The following CHSY3 variants were observed in gnomAD, a reference collection of about 807,000 sequenced individuals.
The protein encoded by CHSY3 is chondroitin sulfate synthase 3.
A neutral mutation model predicts 67.2 loss-of-function variants in CHSY3; 35 were observed. The observed-to-expected ratio is 0.52, with a 90% CI of 0.40 to 0.69. CHSY3 has a LOEUF of 0.69. CHSY3 is among the 30% of genes least tolerant of loss of function. The pLI, the probability that CHSY3 is intolerant of heterozygous loss-of-function variation, is 0.00. For missense variants in CHSY3, 1,069 were observed against 1,138.5 expected (o/e 0.94, Z 0.88); for synonymous variants, 474 against 434.7 (o/e 1.09, Z -1.12).
At position 130,013,431 on chromosome 5, in the gene CHSY3, C is replaced by T. The variant is rs188944803; in HGVS notation, c.1086+105071C>T. ...AGAGATTCTCCATGAGGGCTCTGCC[C>T]GTGCAGCAAGCTTCTGCCTGGATAT... On this transcript the variant is annotated intron_variant, in intron 2 of 2. Coordinates refer to ENST00000305031, the MANE Select transcript of CHSY3 (RefSeq NM_175856.5). Among the ~76,000 whole-genome samples, 8 of 152,302 alleles carry T rather than the reference C, an allele frequency of 5.3e-5. No individual in the cohort carries two copies. The East Asian group carries it at 1.2e-3, about 22-fold the overall frequency.
At chr5:130,100,437 C>T (rs890843401) in intron 2 of CHSY3, among the ~76,000 whole-genome samples, 14 of 151,578 alleles carry the variant, frequency 9.2e-5, no homozygotes, top group Admixed American at 2.6e-4. Flanking sequence ...CCTTGTGATC[C>T]GCCCGCCTCG....
At chr5:130,103,960 C>T (rs1767335161) in intron 2 of CHSY3, among the ~76,000 whole-genome samples, 1 of 151,954 alleles carries the variant, frequency 6.6e-6, no homozygotes, top group South Asian at 2.1e-4. Context: ...ATCTCAAAAA[C>T]AGTCCCTTGT....
intron 2 of CHSY3, chr5:130,141,103 G>A: frequency 3.6e-6 from 1 of 278,730 alleles, no homozygotes; most frequent in Non-Finnish European, 6.8e-6. Context: ...TGAGCTGAAT[G>A]AGTATCAAGC....
intron 2 of CHSY3, among the ~76,000 whole-genome samples, chr5:130,112,266 GA>G (rs1432039145): frequency 1.3e-5 from 2 of 152,078 alleles, no homozygotes; most frequent in Non-Finnish European, 2.9e-5. Flanking sequence ...TATTTTCCCG[GA>G]ATTTGTCTAA....
chr5:130,143,800 A>ATGTG (rs1561557276), intron 2 of CHSY3, among the ~76,000 whole-genome samples: 25 of 79,380 alleles, frequency 3.1e-4, no homozygotes, highest in Admixed American at 9.7e-4. Flanking sequence ...ATATATATAT[A>ATGTG]TATATGTGTG....
chr5:130,119,451 C>T (rs17515040), intron 2 of CHSY3, among the ~76,000 whole-genome samples: 8,825 of 152,130 alleles, frequency 0.058, 381 homozygotes, highest in Non-Finnish European at 0.085. Context: ...ATTCATTACG[C>T]GTGTATTTAG....
chr5:129,947,715 T>C (rs1044888759), intron 2 of CHSY3, among the ~76,000 whole-genome samples: 1 of 152,174 alleles, frequency 6.6e-6, no homozygotes, highest in African/African-American at 2.4e-5. Flanking sequence ...ATATTGGCTG[T>C]ACCAATTTAC....
At chr5:130,085,197 G>C (rs192154376) in intron 2 of CHSY3, among the ~76,000 whole-genome samples, 6 of 151,968 alleles carry the variant, frequency 3.9e-5, no homozygotes, top group African/African-American at 1.4e-4. Context: ...ACACTGCATT[G>C]TACCCCATAA....
chr5:129,916,260 C>T (rs529645268), intron 2 of CHSY3, among the ~76,000 whole-genome samples: 6 of 152,142 alleles, frequency 3.9e-5, no homozygotes, highest in Admixed American at 2.0e-4. Flanking sequence ...TGTTGATTAA[C>T]GGCAGATCTA....
chr5:130,181,200 T>G (rs889336504), intron 2 of CHSY3, among the ~76,000 whole-genome samples: 1 of 152,162 alleles, frequency 6.6e-6, no homozygotes, highest in Non-Finnish European at 1.5e-5. Flanking sequence ...GGAGGTTCCA[T>G]GAAATCCACT....
At chr5:130,064,761 A>G (rs1765829381) in intron 2 of CHSY3, among the ~76,000 whole-genome samples, 1 of 152,162 alleles carries the variant, frequency 6.6e-6, no homozygotes, top group African/African-American at 2.4e-5. Context: ...AGTTAAGTCC[A>G]AACAAAGTCA....
At chr5:129,952,147 G>T (rs1049070267) in intron 2 of CHSY3, among the ~76,000 whole-genome samples, 16 of 152,160 alleles carry the variant, frequency 1.1e-4, no homozygotes, top group African/African-American at 3.9e-4. Flanking sequence ...GACTGATGTT[G>T]GAGGAAGAGT....
At chr5:130,180,693 G>C (rs1022718833) in intron 2 of CHSY3, among the ~76,000 whole-genome samples, 2 of 151,668 alleles carry the variant, frequency 1.3e-5, no homozygotes, top group Non-Finnish European at 2.9e-5. Context: ...CTCTACAAAA[G>C]AAATTGAAAA....
chr5:129,956,329 T>C (rs1490463781), intron 2 of CHSY3, among the ~76,000 whole-genome samples: 1 of 152,198 alleles, frequency 6.6e-6, no homozygotes, highest in Non-Finnish European at 1.5e-5. Flanking sequence ...TTTTTTCATA[T>C]GCTTGTTGGT....
intron 2 of CHSY3, among the ~76,000 whole-genome samples, chr5:129,947,209 C>A (rs966046824): frequency 2.6e-5 from 4 of 152,102 alleles, no homozygotes; most frequent in African/African-American, 9.7e-5. Flanking sequence ...ATTATAAAGC[C>A]ATCAGATCTC....
chr5:130,097,483 G>A (rs1469081564), intron 2 of CHSY3, among the ~76,000 whole-genome samples: 1 of 152,162 alleles, frequency 6.6e-6, no homozygotes, highest in African/African-American at 2.4e-5. Flanking sequence ...CTACCTGTGA[G>A]AATGACTTAA....
At chr5:129,985,145 A>G (rs1269146909) in intron 2 of CHSY3, among the ~76,000 whole-genome samples, 1 of 152,088 alleles carries the variant, frequency 6.6e-6, no homozygotes, top group Non-Finnish European at 1.5e-5. Flanking sequence ...TAGAGTTTTT[A>G]TAGTTTTAGG....
intron 2 of CHSY3, among the ~76,000 whole-genome samples, chr5:129,997,944 A>G (rs200596073): frequency 6.6e-6 from 1 of 152,104 alleles, no homozygotes; most frequent in African/African-American, 2.4e-5. Context: ...AGTCTTTGCT[A>G]TTGTGAATAG....
intron 2 of CHSY3, among the ~76,000 whole-genome samples, chr5:129,971,375 C>G (rs547290116): frequency 6.6e-6 from 1 of 151,640 alleles, no homozygotes; most frequent in Admixed American, 6.6e-5. Flanking sequence ...TATTTCCATG[C>G]ACTAATTTTA....
Sources: gnomAD v4.1 joint callset for allele counts (sites outside exome capture counted in the v4.1 genomes callset) on GRCh38, gnomAD v4.1.1 for gene constraint, MANE v1.5 for transcripts, NCBI Gene and HGNC (gene_info 2026-07-23, HGNC 2026-07-21) for gene names.